ARHGEF10L: variants seen among roughly 807,000 people sequenced by gnomAD.
ARHGEF10L encodes Rho guanine nucleotide exchange factor 10 like.
In ARHGEF10L, 69 loss-of-function variants were observed where a neutral mutation model predicts 141.2. That is an observed-to-expected ratio of 0.49 (90% confidence interval 0.40 to 0.60). The LOEUF is 0.60. Among genes scored for constraint, ARHGEF10L ranks in the 20% least tolerant of loss-of-function variants. The probability of loss-of-function intolerance (pLI) is 0.00; values close to 1 mark genes in which losing one functional copy is unlikely to be tolerated. For missense variants in ARHGEF10L, 1,482 were observed against 1,734.3 expected, an observed-to-expected ratio of 0.85 and a Z score of 2.58; for synonymous variants, 711 against 718.5, an observed-to-expected ratio of 0.99 and a Z score of 0.17.
intron 10 of ARHGEF10L, among the ~76,000 whole-genome samples, chr1:17,620,037 AAAAC>A (rs1371354720): frequency 2.0e-5 from 3 of 152,080 alleles, no homozygotes; most frequent in African/African-American, 7.2e-5. Flanking sequence ...AAAAATACAA[AAAAC>A]AAACAAAAAA....
chr1:17,649,385 C>A (rs1024511091), intron 22 of ARHGEF10L, among the ~76,000 whole-genome samples: 1 of 152,202 alleles, frequency 6.6e-6, no homozygotes, highest in African/African-American at 2.4e-5. Context: ...CCTCCCCTTT[C>A]CCAGGGAGAT....
chr1:17,673,513 G>C lies in ARHGEF10L; in HGVS notation c.3009+8918G>C, dbSNP rs2063459915. ...AATTAGGGAGGCTCCCTCCCTGGGT[G>C]GTTGGGAAGAATGAATGAGGTCACA... On this transcript the variant is annotated intron_variant, in intron 26 of 28. Coordinates refer to ENST00000361221, the MANE Select transcript of ARHGEF10L (RefSeq NM_018125.4). This position sits in a 1 kb window ranked among gnomAD's most constrained non-coding sequence, Gnocchi z 4.1. Among the ~76,000 whole-genome samples, 1 of 152,202 alleles carries C rather than the reference G, an allele frequency of 6.6e-6. No homozygotes were observed. The highest frequency in any genetic ancestry group is 1.5e-5 in the Non-Finnish European group (1 of 68,028).
At chr1:17,578,083 G>T (rs1353213582) in intron 1 of ARHGEF10L, among the ~76,000 whole-genome samples, 2 of 152,120 alleles carry the variant, frequency 1.3e-5, no homozygotes, top group East Asian at 3.8e-4. Context: ...TGTATTTAAG[G>T]AGCAATTTGG....
intron 1 of ARHGEF10L, among the ~76,000 whole-genome samples, chr1:17,562,707 C>G (rs985650602): frequency 6.6e-6 from 1 of 152,188 alleles, no homozygotes; most frequent in Non-Finnish European, 1.5e-5. Context: ...GTGAGCTAGT[C>G]CCTGGTTGTG....
At chr1:17,687,862 G>A (rs926311596) in intron 27 of ARHGEF10L, 115 bp downstream of exon 27, 29 of 1,216,118 alleles carry the variant, frequency 2.4e-5, no homozygotes, top group Non-Finnish European at 3.2e-5. Flanking sequence ...TGAAAACTGG[G>A]GCTTTAATTT....
intron 27 of ARHGEF10L, chr1:17,694,540 T>C (rs1158383807): frequency 4.5e-6 from 1 of 222,058 alleles, no homozygotes; most frequent in African/African-American, 2.4e-5. Context: ...AGAATGAATC[T>C]GGACTGGCAT....
chr1:17,595,757 C>G (rs892675528), intron 4 of ARHGEF10L, among the ~76,000 whole-genome samples: 4 of 152,074 alleles, frequency 2.6e-5, no homozygotes, highest in Admixed American at 1.3e-4. Flanking sequence ...GCAGCACACA[C>G]GAGGCCATAC....
At chr1:17,675,206 G>A (rs7550078) in intron 26 of ARHGEF10L, among the ~76,000 whole-genome samples, 12,604 of 152,198 alleles carry the variant, frequency 0.083, 1,447 homozygotes, top group African/African-American at 0.25. Flanking sequence ...AGCAGTCTTG[G>A]ATGTGGATTT....
At chr1:17,597,351 C>T (rs990608828) in intron 4 of ARHGEF10L, among the ~76,000 whole-genome samples, 1 of 152,068 alleles carries the variant, frequency 6.6e-6, no homozygotes, top group East Asian at 1.9e-4. Context: ...GGCAGCCCTG[C>T]GTGGCTTCCA....
Position 17,583,393 on chromosome 1 carries a change from G to A in ARHGEF10L, c.37+2761G>A, listed in dbSNP as rs180875128. Among the ~76,000 whole-genome samples, 10 of 152,094 alleles carry A rather than the reference G, an allele frequency of 6.6e-5. No individual in the cohort carries two copies. In the East Asian group the frequency reaches 1.2e-3, roughly 18 times the overall value. ...ACAGTGATAATGGTGGTAATAATAC[G>A]ACAGTGATGATGTAACGATGGTGAT... On this transcript the variant is annotated intron_variant, in intron 2 of 28. Transcript: ENST00000361221.
chr1:17,695,651 C>T (rs1204231654), intron 28 of ARHGEF10L, among the ~76,000 whole-genome samples: 1 of 152,184 alleles, frequency 6.6e-6, no homozygotes, highest in East Asian at 1.9e-4. Flanking sequence ...CCGGCCTGCT[C>T]GTGGGGTCCA....
chr1:17,645,705 G>A (rs1000600122), intron 21 of ARHGEF10L, among the ~76,000 whole-genome samples: 1 of 152,344 alleles, frequency 6.6e-6, no homozygotes, highest in South Asian at 2.1e-4. Flanking sequence ...TAGGAGAGCC[G>A]TGCTGCCCCG....
chr1:17,621,932 G>T lies in ARHGEF10L; in HGVS notation c.1011G>T (p.Arg337=). 2 of 1,614,196 alleles carry T rather than the reference G, an allele frequency of 1.2e-6. No individual in the cohort carries two copies. Among genetic ancestry groups the T allele is most frequent in the Non-Finnish European group, 1.7e-6 (2 of 1,180,030 alleles). Residue 337 remains arginine (R), a synonymous_variant, in exon 11 of 29, where the codon CGG becomes CGT. Coordinates refer to ENST00000361221, the MANE Select transcript of ARHGEF10L (RefSeq NM_018125.4). This position sits in a 1 kb window ranked among gnomAD's most constrained non-coding sequence, Gnocchi z 4.1. Reference sequence around the variant, plus strand: ...GCAGCTACGTGGAGTCTCTGAAGCGGATACTCCAGGTGCGACTTCAGGGAG... The same window carrying T: ...GCAGCTACGTGGAGTCTCTGAAGCGTATACTCCAGGTGCGACTTCAGGGAG... The part of the protein sequence containing the change: ...SEGSYVESLK[R]ILQDYRNPLM...
At chr1:17,634,790 G>T (rs746031841) in intron 17 of ARHGEF10L, 45 bp from the exon 18 acceptor site, 2 of 1,558,140 alleles carry the variant, frequency 1.3e-6, no homozygotes, top group East Asian at 2.3e-5. Context: ...CCTGGGGCAG[G>T]GTGGCTGCAG....
At chr1:17,577,647 C>T (rs909284626) in intron 1 of ARHGEF10L, among the ~76,000 whole-genome samples, 33 of 152,174 alleles carry the variant, frequency 2.2e-4, no homozygotes, top group African/African-American at 6.0e-4. Context: ...TTCAGAGCCC[C>T]GCATTAGCCT....
chr1:17,616,739 G>A lies in ARHGEF10L; in HGVS notation c.835+537G>A, dbSNP rs1570946770. ...ACAAGTGGTCCACTGGGGTGCCCTG[G>A]GGGGCATGGAGGAAATGAGGATGGA... On this transcript the variant is annotated intron_variant, in intron 9 of 28. Coordinates refer to ENST00000361221, the MANE Select transcript of ARHGEF10L (RefSeq NM_018125.4). 2.6e-5 allele frequency among the ~76,000 whole-genome samples: 4 copies of A among 152,310 alleles called. No individual in the cohort carries two copies. In the South Asian group the frequency reaches 8.3e-4, roughly 32 times the overall value.
chr1:17,674,470 C>T (rs1440064795), intron 26 of ARHGEF10L, among the ~76,000 whole-genome samples: 1 of 152,228 alleles, frequency 6.6e-6, no homozygotes, highest in Non-Finnish European at 1.5e-5. Context: ...CAGCCGCATA[C>T]ACGTGCCCAG....
At chr1:17,569,776 G>A (rs962180790) in intron 1 of ARHGEF10L, among the ~76,000 whole-genome samples, 1 of 152,226 alleles carries the variant, frequency 6.6e-6, no homozygotes, top group African/African-American at 2.4e-5. Context: ...GCCTGGTGAC[G>A]GTGGCAGCCG....
At chr1:17,593,686 C>T (rs779399767) in intron 4 of ARHGEF10L, among the ~76,000 whole-genome samples, 7 of 152,130 alleles carry the variant, frequency 4.6e-5, no homozygotes, top group Non-Finnish European at 1.0e-4. Context: ...GCCGAAACCT[C>T]GCTTTTAGCC....
Sources: allele counts gnomAD v4.1 joint callset (sites outside exome capture counted in the v4.1 genomes callset), GRCh38; gene constraint gnomAD v4.1.1; non-coding constraint Gnocchi (gnomAD v3.1); transcripts MANE v1.5; gene names NCBI Gene and HGNC (gene_info 2026-07-23, HGNC 2026-07-21).